Variants in PROZ observed in about 807,000 individuals in gnomAD.
PROZ encodes the protein protein Z, vitamin K dependent plasma glycoprotein.
In PROZ, 46 loss-of-function variants were observed where a neutral mutation model predicts 34.9. The ratio of observed to expected loss-of-function variants is 1.32; its 90% CI spans 1.04 to 1.69. The LOEUF is 1.69. PROZ is among the 40% of genes most tolerant of loss of function. The pLI is 0.00. For synonymous variants in PROZ, 195 were observed against 208.5 expected, an observed-to-expected ratio of 0.94 and a Z score of 0.56; for missense variants, 530 against 520.4, an observed-to-expected ratio of 1.02 and a Z score of -0.18.
chr13:113,164,808 G>C (rs539514944), intron 5 of PROZ, among the ~76,000 whole-genome samples, 164 bp downstream of exon 5: 1 of 152,380 alleles, frequency 6.6e-6, no homozygotes, highest in South Asian at 2.1e-4. Flanking sequence ...GGCCATGCTA[G>C]AAAGTGCAGT....
Position 113,164,608 on chromosome 13 carries a change from A to G in PROZ, c.469A>G (p.Arg157Gly), listed in dbSNP as rs962290742. Residue 157 changes from arginine (R) to glycine (G), a missense_variant, in exon 5 of 8, where the codon AGG becomes GGG. Arg to Gly is a moderately radical substitution (Grantham distance 125). Coordinates refer to ENST00000375547, the MANE Select transcript of PROZ (RefSeq NM_003891.3). ...SYTCSCAQGY[R>G]LGEDHKQCVP... The stretch of plus-strand genomic sequence containing the variant: ...CACATGCAGCTGTGCTCAGGGCTAC[A>G]GGCTTGGTGAGGACCACAAACAGTG... The G allele has an allele frequency of 1.2e-6, 2 of 1,613,678 alleles. No homozygotes were observed. The highest frequency in any genetic ancestry group is 1.3e-5 in the African/African-American group (1 of 74,892).
intron 3 of PROZ, 71 bp from the exon 4 acceptor site, chr13:113,162,938 A>AC (rs2036788562): frequency 4.4e-6 from 2 of 451,638 alleles, no homozygotes; most frequent in East Asian, 1.2e-4. Context: ...TCCTGTCACC[A>AC]CCCCCACCCT....
intron 6 of PROZ, chr13:113,166,274 T>C (rs1295459655): frequency 6.6e-6 from 1 of 152,258 alleles, no homozygotes; most frequent in Non-Finnish European, 1.5e-5. Context: ...ATGTAATGAA[T>C]ATAAACATTA....
At chr13:113,163,214 G>T (rs2138579073) in intron 4 of PROZ, 92 bp downstream of exon 4, 2 of 1,104,084 alleles carry the variant, frequency 1.8e-6, no homozygotes, top group Non-Finnish European at 2.7e-6. Context: ...CCCTCCTGAG[G>T]TGTAGCCATG....
intron 3 of PROZ, among the ~76,000 whole-genome samples, chr13:113,161,883 T>G (rs1449770790): frequency 1.6e-5 from 1 of 63,874 alleles, no homozygotes; most frequent in East Asian, 5.5e-4. Context: ...CCCTGCCACG[T>G]CCCCACATCC....
At chr13:113,162,946 CCTCCTCCTGCT>C in intron 3 of PROZ, 52 bp from the exon 4 acceptor site, 1 of 1,053,400 alleles carries the variant, frequency 9.5e-7, no homozygotes, top group Non-Finnish European at 1.4e-6. Flanking sequence ...CCACCCCCAC[CCTCCTCCTGCT>C]CAGGTCCCCG....
At chr13:113,168,795 C>T (rs2037023063) in intron 6 of PROZ, among the ~76,000 whole-genome samples, 1 of 152,112 alleles carries the variant, frequency 6.6e-6, no homozygotes, top group South Asian at 2.1e-4. Flanking sequence ...GTGGTGTGAT[C>T]ATGGCTCACT....
Position 113,159,325 on chromosome 13 carries a change from C to G in PROZ, c.70+595C>G. On this transcript the variant is annotated intron_variant, in intron 1 of 7. Transcript: ENST00000375547. The surrounding 1 kb of genome is among the most constrained non-coding windows in gnomAD (Gnocchi z 4.6). ...TGGTCTCCCGCTGGCCCCATGGTCT[C>G]CCACCCTGAGAGGGTGATCCCCCCG... 2.0e-6 allele frequency: 3 copies of G among 1,467,460 alleles called. No homozygotes were observed. The highest frequency in any genetic ancestry group is 2.8e-6 in the Non-Finnish European group (3 of 1,071,800). The allele number at this position is 1,467,460 out of a possible 1,614,324, so 90.9% of individuals were successfully genotyped here. A position where few individuals can be genotyped will look rare whatever the true frequency, so the allele number is the denominator to read the frequency against.
In PROZ at chr13:113,165,098, A is replaced by G; in HGVS notation, c.551A>G (p.Asp184Gly). The change falls in exon 6 of 8, where the codon GAT (aspartate) becomes GGT (glycine). Residue 184 changes from aspartate (D) to glycine (G), a missense_variant. By Grantham distance (94) the Asp-to-Gly change is moderately conservative. Transcript: ENST00000375547. ...GVLTSEKRAP[D>G]LQDLPWQVKL... ...CTGACCTCTGAGAAGCGTGCACCGG[A>G]TCTACAGGACCTCCCGTGGCAGGTA... 6.2e-7 allele frequency: 1 copy of G among 1,612,550 alleles called. No individual in the cohort carries two copies. The highest frequency in any genetic ancestry group is 8.5e-7 in the Non-Finnish European group (1 of 1,180,006).
Position 113,165,053 on chromosome 13 carries a change from AC to A in PROZ, c.508del (p.Gln170SerfsTer7). The A allele has an allele frequency of 6.2e-7, 1 of 1,613,466 alleles. No homozygotes were observed. Among genetic ancestry groups the A allele is most frequent in the Non-Finnish European group, 8.5e-7 (1 of 1,179,968 alleles). On this transcript the variant is annotated frameshift_variant and splice_region_variant, in exon 6 of 8. Coordinates refer to ENST00000375547, the MANE Select transcript of PROZ (RefSeq NM_003891.3). LOFTEE classifies it high-confidence loss of function. The stretch of plus-strand genomic sequence containing the variant: ...TCTCATGTTGCTGCCGCAAATGCAG[AC>A]CAGTGTGCCTGCGGGGTGCTGACCT... The part of the protein sequence containing the change: ...GEDHKQCVPH[D>X]QCACGVLTSE...
Position 113,171,965 on chromosome 13 carries a change from A to G in PROZ, c.1063A>G (p.Ser355Gly). 1 of 1,613,524 alleles carries G rather than the reference A, an allele frequency of 6.2e-7. No individual in the cohort carries two copies. Reference protein sequence around the residue: ...SVAAMHWMDGSVVTREHRGSW... With the variant: ...SVAAMHWMDGGVVTREHRGSW... Reference sequence around the variant, plus strand: ...GGCGGCCATGCACTGGATGGATGGAAGTGTGGTCACCAGAGAACACAGAGG... The same window carrying G: ...GGCGGCCATGCACTGGATGGATGGAGGTGTGGTCACCAGAGAACACAGAGG... The change falls in exon 8 of 8, where the codon AGT (serine) becomes GGT (glycine). Residue 355 changes from serine (S) to glycine (G), a missense_variant. Ser to Gly is a moderately conservative substitution (Grantham distance 56, BLOSUM62 0). Coordinates refer to ENST00000375547, the MANE Select transcript of PROZ (RefSeq NM_003891.3). This position sits in a 1 kb window ranked among gnomAD's most constrained non-coding sequence, Gnocchi z 5.1.
Position 113,170,430 on chromosome 13 carries a change from C to T in PROZ, c.591C>T (p.Ser197=), listed in dbSNP as rs745336424. The T allele has an allele frequency of 1.6e-5, 26 of 1,602,264 alleles. No homozygotes were observed. Among genetic ancestry groups the T allele is most frequent in the South Asian group, 9.9e-5 (9 of 90,822 alleles). The change falls in exon 7 of 8, where the codon TCC becomes TCT. Residue 197 remains serine, a synonymous_variant. Transcript: ENST00000375547. ...TTTTAAAGGTAAAGTTAACAAATTCCGAAGGAAAAGACTTCTGTGGTGGTG... is the reference window on the plus strand; with the variant it reads ...TTTTAAAGGTAAAGTTAACAAATTCTGAAGGAAAAGACTTCTGTGGTGGTG... The part of the protein sequence containing the change: ...DLPWQVKLTN[S]EGKDFCGGVI...
chr13:113,162,918 A>G (rs1595108540), intron 3 of PROZ, 91 bp from the exon 4 acceptor site: 7 of 450,048 alleles, frequency 1.6e-5, no homozygotes, highest in South Asian at 1.1e-4. Flanking sequence ...CCTCCTGCTC[A>G]GGTCCCCATT....
At chr13:113,161,612 G>A (rs1024057719) in intron 3 of PROZ, among the ~76,000 whole-genome samples, 2 of 152,180 alleles carry the variant, frequency 1.3e-5, no homozygotes, top group African/African-American at 2.4e-5. Flanking sequence ...AGAGGGGACC[G>A]CGTGCGGACG....
At position 113,171,857 on chromosome 13, in the gene PROZ, G is replaced by A. The variant is rs559556240; in HGVS notation, c.955G>A (p.Val319Ile). The A allele has an allele frequency of 1.9e-6, 3 of 1,613,700 alleles. No homozygotes were observed. The South Asian group carries it at 3.3e-5, about 18-fold the overall frequency. The change falls in exon 8 of 8, where the codon GTC (valine) becomes ATC (isoleucine). Residue 319 changes from valine to isoleucine, a missense_variant. Val to Ile is a conservative substitution (Grantham distance 29). Coordinates refer to ENST00000375547, the MANE Select transcript of PROZ (RefSeq NM_003891.3). This position sits in a 1 kb window ranked among gnomAD's most constrained non-coding sequence, Gnocchi z 5.1. ...GGGCAACTCGCTGACCACGCGGCCT[G>A]TCACACTTGTGGAGGGGGAGGAGTG... The part of the protein sequence containing the change: ...DLGNSLTTRP[V>I]TLVEGEECGQ...
rs992461120 is a variant in PROZ at position 113,162,945 on chromosome 13, C to CTCCAT, written c.260-64_260-63insTCCAT. On this transcript the variant is annotated intron_variant, in intron 3 of 7. Coordinates refer to ENST00000375547, the MANE Select transcript of PROZ (RefSeq NM_003891.3). ...GTCCCCATTCCTGTCACCACCCCCA[C>CTCCAT]CCTCCTCCTGCTCAGGTCCCCGTTC... 74 of 957,272 alleles carry CTCCAT rather than the reference C, an allele frequency of 7.7e-5. 1 individual carries two copies. The highest frequency in any genetic ancestry group is 7.1e-4 in the Middle Eastern group (3 of 4,206). 59.3% of individuals were successfully genotyped at this position (957,272 alleles called of 1,614,324 possible).
chr13:113,164,894 G>C, intron 5 of PROZ, 159 bp from the exon 6 acceptor site: 1 of 950,562 alleles, frequency 1.1e-6, no homozygotes, highest in Non-Finnish European at 1.6e-6. Context: ...ACTCCAGTCT[G>C]TGTGTCTGTG....
At chr13:113,161,597 G>A (rs1460589737) in intron 3 of PROZ, among the ~76,000 whole-genome samples, 3 of 152,148 alleles carry the variant, frequency 2.0e-5, no homozygotes, top group Admixed American at 2.0e-4. Context: ...CTGATGGGGC[G>A]GGACAGAGGG....
Position 113,163,046 on chromosome 13 carries a change from C to G in PROZ, c.297C>G (p.Asn99Lys). The part of the protein sequence containing the change: ...SPCISQPCLH[N>K]GSCQDSIWGY... Reference sequence around the variant, plus strand: ...GCATCTCCCAGCCCTGCCTCCACAACGGCTCTTGCCAGGACAGCATCTGGG... The same window carrying G: ...GCATCTCCCAGCCCTGCCTCCACAAGGGCTCTTGCCAGGACAGCATCTGGG... The change falls in exon 4 of 8, where the codon AAC (asparagine) becomes AAG (lysine). Residue 99 changes from asparagine (N) to lysine (K), a missense_variant. Physicochemically the swap from Asn to Lys is moderately conservative, Grantham distance 94. Transcript: ENST00000375547. 1.3e-6 allele frequency: 2 copies of G among 1,561,428 alleles called. No individual in the cohort carries two copies. The highest frequency in any genetic ancestry group is 1.7e-6 in the Non-Finnish European group (2 of 1,152,086).
Sources: gnomAD v4.1 joint callset for allele counts (sites outside exome capture counted in the v4.1 genomes callset) on GRCh38, gnomAD v4.1.1 for gene constraint, Gnocchi (gnomAD v3.1) non-coding constraint, MANE v1.5 for transcripts, NCBI Gene and HGNC (gene_info 2026-07-23, HGNC 2026-07-21) for gene names.